The following PCDHA4 variants were observed in gnomAD, a reference collection of about 807,000 sequenced individuals.
PCDHA4 encodes protocadherin alpha-4.
PCDHA4 carries 49 observed loss-of-function variants against 61.4 expected under a neutral mutation model. That is an observed-to-expected ratio of 0.80 (90% CI 0.63 to 1.01). The LOEUF is 1.01. PCDHA4 is among the 50% of genes least tolerant of loss of function. The pLI is 0.00. For synonymous variants in PCDHA4, 590 were observed against 550.3 expected, an observed-to-expected ratio of 1.07 and a Z score of -1.01; for missense variants, 1,254 against 1,235.8, an observed-to-expected ratio of 1.01 and a Z score of -0.22.
intron 1 of PCDHA4, chr5:140,875,264 C>G: frequency 8.4e-7 from 1 of 1,189,324 alleles, no homozygotes; most frequent in Non-Finnish European, 1.1e-6. Flanking sequence ...TGATGTCGCT[C>G]TACACTCAGA....
intron 1 of PCDHA4, chr5:140,860,525 C>T (rs1269714360): frequency 1.3e-5 from 2 of 152,112 alleles, no homozygotes; most frequent in Non-Finnish European, 2.9e-5. Context: ...TCATGGAATT[C>T]TGATTTGTAA....
intron 3 of PCDHA4, among the ~76,000 whole-genome samples, chr5:141,007,395 C>CAAAAAAAAAAAAAAA (rs35800918): frequency 2.1e-5 from 2 of 94,866 alleles, no homozygotes; most frequent in Non-Finnish European, 2.1e-5. Context: ...TACTAAAATA[C>CAAAAAAAAAAAAAAA]AAAAAAAAAA....
intron 1 of PCDHA4, chr5:140,870,089 T>A (rs782364525): frequency 6.2e-7 from 1 of 1,613,914 alleles, no homozygotes; most frequent in Admixed American, 1.7e-5. Flanking sequence ...ACTCCCCCAA[T>A]GGCAGGTCAC....
intron 1 of PCDHA4, chr5:140,859,027 C>T (rs1486669007): frequency 6.6e-6 from 1 of 150,752 alleles, no homozygotes; most frequent in Non-Finnish European, 1.5e-5. Context: ...AAGTTAAATG[C>T]TTTGAACTTT....
Position 140,843,369 on chromosome 5 carries a change from C to G in PCDHA4, c.2385+33797C>G, listed in dbSNP as rs2150358449. 8 of 1,596,038 alleles carry G rather than the reference C, an allele frequency of 5.0e-6. 2 individuals are homozygous for G. The highest frequency in any genetic ancestry group is 2.2e-5 in the South Asian group (2 of 90,512). On this transcript the variant is annotated intron_variant, in intron 1 of 3. Transcript: ENST00000530339. ...GCTCCAAAAGCGTCATCGAGGCAGT[C>G]GGCTGGCGTTTTGGGTCCGGAAGCG... is the stretch of plus-strand genomic sequence containing the variant.
intron 3 of PCDHA4, among the ~76,000 whole-genome samples, chr5:140,987,224 A>AT (rs34154612): frequency 0.031 from 4,713 of 152,034 alleles, 257 homozygotes; most frequent in African/African-American, 0.11. Context: ...AAAAAAAAAA[A>AT]AAATAATAAA....
At chr5:141,007,199 G>A (rs561958637) in intron 3 of PCDHA4, among the ~76,000 whole-genome samples, 3 of 152,036 alleles carry the variant, frequency 2.0e-5, no homozygotes, top group African/African-American at 7.2e-5. Flanking sequence ...TGATGGTGGG[G>A]GCCAGAATAT....
At chr5:140,841,138 C>T (rs2150311495) in intron 1 of PCDHA4, 1 of 713,754 alleles carries the variant, frequency 1.4e-6, no homozygotes, top group Non-Finnish European at 2.3e-6. Context: ...TTTGAAGCCA[C>T]ATGATGTCGC....
At position 140,843,609 on chromosome 5, in the gene PCDHA4, G is replaced by C. The variant is rs145975691; in HGVS notation, c.2385+34037G>C. 647 of 1,595,902 alleles carry C rather than the reference G, an allele frequency of 4.1e-4. 69 individuals are homozygous for C. The highest frequency in any genetic ancestry group is 5.3e-4 in the Non-Finnish European group (622 of 1,165,530). On this transcript the variant is annotated intron_variant, in intron 1 of 3. Coordinates refer to ENST00000530339, the MANE Select transcript of PCDHA4 (RefSeq NM_018907.4). ...CCGCAGAGGGTGTGCTCTGGTGAGG[G>C]GCCACCGAAGACGGACCTCATGGCC...
At chr5:140,957,919 A>G (rs1477103013) in intron 1 of PCDHA4, among the ~76,000 whole-genome samples, 1 of 152,158 alleles carries the variant, frequency 6.6e-6, no homozygotes, top group Non-Finnish European at 1.5e-5. Flanking sequence ...TTATCTATGT[A>G]TCAAGCTAAA....
At chr5:140,971,643 T>C (rs2096490301) in intron 1 of PCDHA4, among the ~76,000 whole-genome samples, 2 of 152,134 alleles carry the variant, frequency 1.3e-5, no homozygotes, top group African/African-American at 4.8e-5. Flanking sequence ...TGTGCCTACA[T>C]TAAAAGTAGA....
At chr5:140,983,408 A>G (rs1554245369) in intron 3 of PCDHA4, among the ~76,000 whole-genome samples, 1 of 152,208 alleles carries the variant, frequency 6.6e-6, no homozygotes, top group Non-Finnish European at 1.5e-5. Flanking sequence ...GGGAAGATTA[A>G]GTGTTGGTAG....
At chr5:140,879,099 A>G (rs1255546668) in intron 1 of PCDHA4, among the ~76,000 whole-genome samples, 1 of 152,242 alleles carries the variant, frequency 6.6e-6, no homozygotes, top group Non-Finnish European at 1.5e-5. Flanking sequence ...ACTGCACAGT[A>G]TATGGTGTAA....
At chr5:140,927,994 G>C in intron 1 of PCDHA4, 1 of 1,614,180 alleles carries the variant, frequency 6.2e-7, no homozygotes, top group Non-Finnish European at 8.5e-7. Flanking sequence ...AAAGGATGAA[G>C]ACCTCGATTC....
intron 1 of PCDHA4, chr5:140,841,063 TAAAG>T (rs1776998418): frequency 2.2e-6 from 1 of 461,482 alleles, no homozygotes; most frequent in South Asian, 3.9e-5. Context: ...TAAATTATGA[TAAAG>T]AAATAGAAAG....
At chr5:140,889,503 C>G (rs2062252341) in intron 1 of PCDHA4, among the ~76,000 whole-genome samples, 2 of 151,950 alleles carry the variant, frequency 1.3e-5, no homozygotes, top group Admixed American at 1.3e-4. Context: ...AGTGATATTT[C>G]CCTTTCCATT....
chr5:140,967,749 C>G (rs1554229896), intron 1 of PCDHA4: 1 of 1,614,172 alleles, frequency 6.2e-7, no homozygotes, highest in Non-Finnish European at 8.5e-7. Context: ...TATGAGGAAG[C>G]CTCCTCCTAC....
chr5:140,917,130 C>T (rs1449410463), intron 1 of PCDHA4, among the ~76,000 whole-genome samples: 1 of 152,060 alleles, frequency 6.6e-6, no homozygotes, highest in Non-Finnish European at 1.5e-5. Flanking sequence ...AGACTCCCCA[C>T]GTTGCTCAGC....
chr5:140,902,786 C>G (rs1450809375), intron 1 of PCDHA4, among the ~76,000 whole-genome samples: 1 of 151,906 alleles, frequency 6.6e-6, no homozygotes, highest in Non-Finnish European at 1.5e-5. Flanking sequence ...TAGCTTAGCT[C>G]TCACTTGTAT....
Sources: allele counts gnomAD v4.1 joint callset (sites outside exome capture counted in the v4.1 genomes callset), GRCh38; gene constraint gnomAD v4.1.1; transcripts MANE v1.5; gene names NCBI Gene and HGNC (gene_info 2026-07-23, HGNC 2026-07-21).